Variants in PSMC2 observed in about 807,000 individuals in gnomAD.
The protein encoded by PSMC2 is proteasome 26S subunit, ATPase 2.
Under a neutral mutation model 53.3 loss-of-function variants are expected in PSMC2, and 7 were observed. The ratio of observed to expected loss-of-function variants is 0.13; its 90% CI spans 0.07 to 0.25. PSMC2 has a LOEUF of 0.25. PSMC2 is among the 10% of genes least tolerant of loss of function. The probability of loss-of-function intolerance (pLI) is 1.00; values close to 1 mark genes in which losing one functional copy is unlikely to be tolerated. For synonymous variants in PSMC2, 169 were observed against 183.9 expected (o/e 0.92, Z 0.66); for missense variants, 241 against 544.0 (o/e 0.44, Z 5.54).
chr7:103,349,779 C>T (rs17136740), intron 1 of PSMC2, among the ~76,000 whole-genome samples: 4,166 of 152,202 alleles, frequency 0.027, 208 homozygotes, highest in African/African-American at 0.094. Context: ...TTAAGCTTTC[C>T]GATCTCAACT....
At chr7:103,349,758 T>A (rs1057413621) in intron 1 of PSMC2, among the ~76,000 whole-genome samples, 5 of 152,222 alleles carry the variant, frequency 3.3e-5, no homozygotes, top group Non-Finnish European at 7.3e-5. Context: ...CCTGATTAAG[T>A]TACTTTCAAT....
At chr7:103,353,317 T>C (rs1343699314) in intron 1 of PSMC2, among the ~76,000 whole-genome samples, 4 of 152,208 alleles carry the variant, frequency 2.6e-5, no homozygotes, top group Non-Finnish European at 5.9e-5. Context: ...CCTTTTCTTT[T>C]TCTTTTTGAG....
At chr7:103,352,149 T>C (rs1471868052) in intron 1 of PSMC2, among the ~76,000 whole-genome samples, 1 of 144,178 alleles carries the variant, frequency 6.9e-6, no homozygotes, top group African/African-American at 2.5e-5. Flanking sequence ...TATACTATGT[T>C]TCAGCTTACC....
At chr7:103,357,206 A>G (rs1248567432) in intron 4 of PSMC2, among the ~76,000 whole-genome samples, 1 of 151,898 alleles carries the variant, frequency 6.6e-6, no homozygotes, top group Non-Finnish European at 1.5e-5. Flanking sequence ...GGCGCTTGTA[A>G]TCCCAGCTAC....
intron 8 of PSMC2, among the ~76,000 whole-genome samples, chr7:103,365,707 A>G (rs1231763598): frequency 1.3e-5 from 2 of 152,072 alleles, no homozygotes; most frequent in Non-Finnish European, 2.9e-5. Context: ...AGACGGGTGG[A>G]ACATGAGGTC....
intron 3 of PSMC2, 95 bp from the exon 4 acceptor site, chr7:103,355,599 T>A: frequency 1.1e-6 from 1 of 905,860 alleles, no homozygotes; most frequent in Non-Finnish European, 1.8e-6. Context: ...CAATGAATGA[T>A]TCAGTGCAAA....
At position 103,367,342 on chromosome 7, in the gene PSMC2, T is replaced by G; in HGVS notation, c.845-71T>G. 6.9e-7 allele frequency: 1 copy of G among 1,453,686 alleles called. No homozygotes were observed. Among genetic ancestry groups the G allele is most frequent in the Non-Finnish European group, 9.6e-7 (1 of 1,043,202 alleles). 90.0% of individuals were successfully genotyped at this position (1,453,686 alleles called of 1,614,324 possible). A position where few individuals can be genotyped will look rare whatever the true frequency, so the allele number is the denominator to read the frequency against. On this transcript the variant is annotated intron_variant, in intron 9 of 11. Transcript: ENST00000292644. This position sits in a 1 kb window ranked among gnomAD's most constrained non-coding sequence, Gnocchi z 6.1. ...ACATGATTTGAGCTGAGATTTTTGG[T>G]ACTTTCAGGTCATGCATAGTGCTAC... is the stretch of plus-strand genomic sequence containing the variant.
At chr7:103,357,128 C>T (rs924654380) in intron 4 of PSMC2, among the ~76,000 whole-genome samples, 1 of 152,010 alleles carries the variant, frequency 6.6e-6, no homozygotes, top group African/African-American at 2.4e-5. Flanking sequence ...GAGTTCAAGA[C>T]CAGCCTGGTC....
intron 1 of PSMC2, among the ~76,000 whole-genome samples, chr7:103,353,248 T>G (rs1819827962): frequency 6.6e-6 from 1 of 152,176 alleles, no homozygotes; most frequent in African/African-American, 2.4e-5. Flanking sequence ...GAATAGCATT[T>G]GTTGGATTGC....
chr7:103,355,588 A>T, intron 3 of PSMC2, 106 bp from the exon 4 acceptor site: 1 of 823,266 alleles, frequency 1.2e-6, no homozygotes, highest in Non-Finnish European at 2.0e-6. Context: ...GATAGTCCTC[A>T]CAATGAATGA....
At position 103,367,264 on chromosome 7, in the gene PSMC2, C is replaced by A; in HGVS notation, c.845-149C>A. ...ACTTTCTAATTAGTTTTATATAAAG[C>A]AAGCTGTTCTTACAGGATTTGCTTC... is the stretch of plus-strand genomic sequence containing the variant. On this transcript the variant is annotated intron_variant, in intron 9 of 11. Coordinates refer to ENST00000292644, the MANE Select transcript of PSMC2 (RefSeq NM_002803.4). This position sits in a 1 kb window ranked among gnomAD's most constrained non-coding sequence, Gnocchi z 6.1. The A allele has an allele frequency of 1.6e-6, 1 of 637,830 alleles. No homozygotes were observed. The highest frequency in any genetic ancestry group is 2.8e-6 in the Non-Finnish European group (1 of 360,010). The allele number at this position is 637,830 out of a possible 1,614,324, so 39.5% of individuals were successfully genotyped here.
At chr7:103,355,831 G>A in intron 4 of PSMC2, 38 bp downstream of exon 4, 1 of 1,422,460 alleles carries the variant, frequency 7.0e-7, no homozygotes, top group Non-Finnish European at 9.9e-7. Context: ...ACCTTTGTCT[G>A]TATTTTCAAG....
intron 4 of PSMC2, among the ~76,000 whole-genome samples, chr7:103,358,457 C>T (rs146706369): frequency 0.011 from 1,609 of 152,194 alleles, 28 homozygotes; most frequent in African/African-American, 0.037. Flanking sequence ...TATGGGGCCT[C>T]CAGGATTGCT....
chr7:103,354,944 T>A lies in PSMC2; in HGVS notation c.185T>A (p.Leu62His). The change falls in exon 3 of 12, where the codon CTC becomes CAC. Residue 62 changes from leucine to histidine, a missense_variant. Leu to His is a moderately conservative substitution (Grantham distance 99). Coordinates refer to ENST00000292644, the MANE Select transcript of PSMC2 (RefSeq NM_002803.4). ...CAACTTCTCAAGAAAATTAATGAGC[T>A]CACTGGTATGTATTTTTAAATTCCC... ...IQQLLKKINE[L>H]TGIKESDTGL... The A allele has an allele frequency of 6.3e-7, 1 of 1,596,176 alleles. No individual in the cohort carries two copies. The highest frequency in any genetic ancestry group is 8.6e-7 in the Non-Finnish European group (1 of 1,163,982).
In PSMC2 at chr7:103,347,724, C is replaced by G. The variant is rs202147098; in HGVS notation, c.13C>G (p.Leu5Val). 8.7e-6 allele frequency: 14 copies of G among 1,613,942 alleles called. No individual in the cohort carries two copies. The highest frequency in any genetic ancestry group is 1.2e-5 in the Non-Finnish European group (14 of 1,179,868). The change falls in exon 1 of 12, where the codon CTC becomes GTC. Residue 5 changes from leucine to valine, a missense_variant. Leu to Val is a conservative substitution (Grantham distance 32). Coordinates refer to ENST00000292644, the MANE Select transcript of PSMC2 (RefSeq NM_002803.4). MPDY[L>V]GADQRKTKED... Reference sequence around the variant, plus strand: ...TGGAGCTGCTAAAATGCCGGATTACCTCGGTGCCGATCAGCGGAAGACCAA... The same window carrying G: ...TGGAGCTGCTAAAATGCCGGATTACGTCGGTGCCGATCAGCGGAAGACCAA...
chr7:103,364,228 C>T lies in PSMC2; in HGVS notation c.677C>T (p.Ala226Val), dbSNP rs1239171805. 2 of 1,614,146 alleles carry T rather than the reference C, an allele frequency of 1.2e-6. No individual in the cohort carries two copies. Among genetic ancestry groups the T allele is most frequent in the Admixed American group, 1.7e-5 (1 of 60,008 alleles). Reference protein sequence around the residue: ...GPPGTGKTLCARAVANRTDAC... With the variant: ...GPPGTGKTLCVRAVANRTDAC... ...CCCGGTACAGGCAAGACACTCTGTG[C>T]GCGGGCAGTTGCTAATCGGACTGAT... The change falls in exon 8 of 12, where the codon GCG becomes GTG. Residue 226 changes from alanine (A) to valine (V), a missense_variant. This residue lies in a region of PSMC2 where 26 missense variants were observed against 104.7 expected (regional missense o/e 0.25). Coordinates refer to ENST00000292644, the MANE Select transcript of PSMC2 (RefSeq NM_002803.4).
chr7:103,366,871 C>A (rs1820744384), intron 9 of PSMC2, among the ~76,000 whole-genome samples: 1 of 152,048 alleles, frequency 6.6e-6, no homozygotes. Flanking sequence ...GTGGCATGAT[C>A]TTGGCTCACT....
chr7:103,348,534 A>G (rs938387929), intron 1 of PSMC2: 2 of 703,036 alleles, frequency 2.8e-6, no homozygotes, highest in African/African-American at 1.7e-5. Flanking sequence ...GGACGTGTAG[A>G]TTTTTCCAAT....
chr7:103,353,600 C>T (rs976231618), intron 1 of PSMC2, among the ~76,000 whole-genome samples: 6 of 152,182 alleles, frequency 3.9e-5, no homozygotes, highest in African/African-American at 1.4e-4. Context: ...AGCCACCGCA[C>T]GGGGCCTGCA....
Sources: gnomAD v4.1 joint callset for allele counts (sites outside exome capture counted in the v4.1 genomes callset) on GRCh38, gnomAD v4.1.1 for gene constraint, gnomAD v4.1.1 regional missense constraint, Gnocchi (gnomAD v3.1) non-coding constraint, MANE v1.5 for transcripts, NCBI Gene and HGNC (gene_info 2026-07-23, HGNC 2026-07-21) for gene names.